The following RAB6B variants were observed in gnomAD, a reference collection of about 807,000 sequenced individuals.
The protein encoded by RAB6B is ras-related protein Rab-6B.
Under a neutral mutation model 31.2 loss-of-function variants are expected in RAB6B, and 7 were observed. That is an observed-to-expected ratio of 0.22 (90% confidence interval 0.13 to 0.42). RAB6B has a LOEUF of 0.42. Ranked by LOEUF, RAB6B falls within the 10% of genes least tolerant of loss-of-function variation. RAB6B has a pLI of 1.00. For synonymous variants in RAB6B, 105 were observed against 104.9 expected (o/e 1.00, Z -0.01); for missense variants, 149 against 280.6 (o/e 0.53, Z 3.35).
rs200196134 is a variant in RAB6B at position 133,895,483 on chromosome 3, G to C, written c.-17C>G. The C allele has an allele frequency of 6.2e-7, 1 of 1,611,226 alleles. No homozygotes were observed. Among genetic ancestry groups the C allele is most frequent in the Admixed American group, 1.7e-5 (1 of 59,576 alleles). On this transcript the variant is annotated 5_prime_UTR_variant, in exon 1 of 8. Coordinates refer to ENST00000285208, the MANE Select transcript of RAB6B (RefSeq NM_016577.4). ...TGCGGACATGGTGCTGGCAGCCGGG[G>C]CCGGGAGAGGAGGAGGAGGAAAAAG...
At chr3:133,856,312 A>AGTG (rs1394605737) in intron 2 of RAB6B, among the ~76,000 whole-genome samples, 1 of 151,454 alleles carries the variant, frequency 6.6e-6, no homozygotes, top group Non-Finnish European at 1.5e-5. Flanking sequence ...TGGCACACTG[A>AGTG]GTGGTGGTAC....
rs138955647 is a variant in RAB6B at position 133,851,801 on chromosome 3, C to T, written c.130-10138G>A. ...CAGCGAGGTCACAGGAACTAATTTG[C>T]ATCTTCTCTGATGATAAATCATGGG... On this transcript the variant is annotated intron_variant, in intron 2 of 7. Transcript: ENST00000285208. Among the ~76,000 whole-genome samples, 946 of 152,286 alleles carry T rather than the reference C, an allele frequency of 6.2e-3. 9 individuals are homozygous for T. The highest frequency in any genetic ancestry group is 9.9e-3 in the Non-Finnish European group (670 of 68,018).
At chr3:133,861,778 T>G (rs1010859554) in intron 2 of RAB6B, among the ~76,000 whole-genome samples, 4 of 152,062 alleles carry the variant, frequency 2.6e-5, no homozygotes, top group Non-Finnish European at 5.9e-5. Context: ...GAAGGAGGGG[T>G]AGATTCCATT....
At chr3:133,883,301 T>C (rs1255042799) in intron 1 of RAB6B, among the ~76,000 whole-genome samples, 1 of 152,240 alleles carries the variant, frequency 6.6e-6, no homozygotes, top group African/African-American at 2.4e-5. Context: ...CCTTTCTCTC[T>C]TCTCATTTCC....
rs561774458 is a variant in RAB6B at position 133,878,583 on chromosome 3, G to A, written c.71-13941C>T. Among the ~76,000 whole-genome samples, 21 of 152,256 alleles carry A rather than the reference G, an allele frequency of 1.4e-4. No individual in the cohort carries two copies. In the South Asian group the frequency reaches 1.9e-3, roughly 14 times the overall value. On this transcript the variant is annotated intron_variant, in intron 1 of 7. Coordinates refer to ENST00000285208, the MANE Select transcript of RAB6B (RefSeq NM_016577.4). ...GTGAAATGAAACCAGATGGAAATGC[G>A]GATTTATACAATGGAATGATGAACA...
intron 1 of RAB6B, 42 bp from the exon 2 acceptor site, chr3:133,864,684 G>C: frequency 6.4e-7 from 1 of 1,563,032 alleles, no homozygotes; most frequent in Non-Finnish European, 8.8e-7. Flanking sequence ...CATGGCATCT[G>C]AGCTAGGCTC....
At chr3:133,829,888 T>C (rs1935630314) in intron 7 of RAB6B, among the ~76,000 whole-genome samples, 1 of 152,182 alleles carries the variant, frequency 6.6e-6, no homozygotes, top group Non-Finnish European at 1.5e-5. Flanking sequence ...TCTCTGACTT[T>C]TCTTTGCTTT....
intron 7 of RAB6B, among the ~76,000 whole-genome samples, chr3:133,833,524 C>A (rs1226788952): frequency 3.9e-5 from 6 of 152,184 alleles, no homozygotes. Context: ...TCAGGCTCCC[C>A]CTTGCTGCAG....
chr3:133,887,193 C>T (rs1172760800), intron 1 of RAB6B, among the ~76,000 whole-genome samples: 1 of 152,192 alleles, frequency 6.6e-6, no homozygotes, highest in Admixed American at 6.5e-5. Context: ...TGTCACCTGC[C>T]CTGTCGTCCT....
intron 6 of RAB6B, among the ~76,000 whole-genome samples, chr3:133,836,449 T>C (rs1238268969): frequency 6.6e-6 from 1 of 152,204 alleles, no homozygotes; most frequent in Non-Finnish European, 1.5e-5. Flanking sequence ...TGAGTGGATA[T>C]GCTCACATTT....
chr3:133,825,871 C>T lies in RAB6B; in HGVS notation c.*2917G>A, dbSNP rs1935553845. The T allele has an allele frequency of 6.6e-6, 1 of 152,216 alleles. No homozygotes were observed. Among genetic ancestry groups the T allele is most frequent in the Non-Finnish European group, 1.5e-5 (1 of 68,040 alleles). 9.4% of individuals were successfully genotyped at this position (152,216 alleles called of 1,614,324 possible). A position where few individuals can be genotyped will look rare whatever the true frequency, so the allele number is the denominator to read the frequency against. On this transcript the variant is annotated 3_prime_UTR_variant, in exon 8 of 8. Transcript: ENST00000285208. ...GAGAACATTTCCTCAAAGGAATCCT[C>T]CAATTTGCCCTCTGCTAACCCATCT...
chr3:133,828,895 C>A, intron 7 of RAB6B, 43 bp from the exon 8 acceptor site: 1 of 1,525,892 alleles, frequency 6.6e-7, no homozygotes, highest in Non-Finnish European at 9.0e-7. Flanking sequence ...CCTGGACAAG[C>A]TGCCACCCCA....
At chr3:133,834,470 A>C in intron 7 of RAB6B, 105 bp downstream of exon 7, 1 of 1,262,414 alleles carries the variant, frequency 7.9e-7, no homozygotes, top group Non-Finnish European at 1.2e-6. Flanking sequence ...AGACCAGGGA[A>C]GGCTGGGCGG....
chr3:133,848,607 T>C (rs746383381), intron 2 of RAB6B, among the ~76,000 whole-genome samples: 2 of 152,052 alleles, frequency 1.3e-5, no homozygotes, highest in Non-Finnish European at 2.9e-5. Context: ...TGTCATCCCA[T>C]GTCAGAAGGT....
chr3:133,849,557 G>A (rs1272122982), intron 2 of RAB6B, among the ~76,000 whole-genome samples: 6 of 152,224 alleles, frequency 3.9e-5, no homozygotes, highest in African/African-American at 1.2e-4. Context: ...GCTATTCACA[G>A]AAGAAAGCAA....
rs372915427 is a variant in RAB6B, at chr3:133,847,735, C to T, written c.130-6072G>A. On this transcript the variant is annotated intron_variant, in intron 2 of 7. Transcript: ENST00000285208. ...TAGCTCTTGCTATGGTCACCAATAG[C>T]CATTTGATTATCAAGTCATGAGGAC... 3.4e-4 allele frequency among the ~76,000 whole-genome samples: 52 copies of T among 152,316 alleles called. No homozygotes were observed. In the South Asian group the frequency reaches 0.01, roughly 30 times the overall value.
intron 2 of RAB6B, among the ~76,000 whole-genome samples, chr3:133,860,984 A>G (rs1243604719): frequency 2.0e-5 from 3 of 152,222 alleles, no homozygotes; most frequent in Admixed American, 6.5e-5. Context: ...TAGAGGGCCC[A>G]TGAGAGACCG....
At position 133,827,348 on chromosome 3, in the gene RAB6B, GC is replaced by G. The variant is rs1480626485; in HGVS notation, c.*1439del. 1 of 152,326 alleles carries G rather than the reference GC, an allele frequency of 6.6e-6. No individual in the cohort carries two copies. Among genetic ancestry groups the G allele is most frequent in the Non-Finnish European group, 1.5e-5 (1 of 68,118 alleles). The allele number at this position is 152,326 out of a possible 1,614,324, so 9.4% of individuals were successfully genotyped here. A position where few individuals can be genotyped will look rare whatever the true frequency, so the allele number is the denominator to read the frequency against. Reference sequence around the variant, plus strand: ...GGTTTACATTTTGGCCAGACTCACTGCCCATTGCACCTGGCTCTGTGCAGGC... The same window carrying G: ...GGTTTACATTTTGGCCAGACTCACTGCCATTGCACCTGGCTCTGTGCAGGC... On this transcript the variant is annotated 3_prime_UTR_variant, in exon 8 of 8. Coordinates refer to ENST00000285208, the MANE Select transcript of RAB6B (RefSeq NM_016577.4).
intron 6 of RAB6B, among the ~76,000 whole-genome samples, chr3:133,837,894 G>A (rs963885120): frequency 2.0e-5 from 3 of 152,234 alleles, no homozygotes; most frequent in Non-Finnish European, 4.4e-5. Context: ...CACTCTTAGG[G>A]CCTGCTACGT....
Sources: allele counts gnomAD v4.1 joint callset (sites outside exome capture counted in the v4.1 genomes callset), GRCh38; gene constraint gnomAD v4.1.1; transcripts MANE v1.5; gene names NCBI Gene and HGNC (gene_info 2026-07-23, HGNC 2026-07-21).